The following MAMDC2 variants were observed in gnomAD, a reference collection of about 807,000 sequenced individuals.
The protein encoded by MAMDC2 is MAM domain containing 2, also known as MAM domain-containing protein 2.
A neutral mutation model predicts 89.8 loss-of-function variants in MAMDC2; 57 were observed. The ratio of observed to expected loss-of-function variants is 0.63; its 90% CI spans 0.51 to 0.79. The LOEUF (loss-of-function observed/expected upper bound fraction) is 0.79, where lower values mean the gene tolerates loss of function less well. MAMDC2 is among the 30% of genes least tolerant of loss of function. MAMDC2 has a pLI of 0.00. For synonymous variants in MAMDC2, 313 were observed against 293.4 expected, an observed-to-expected ratio of 1.07 and a Z score of -0.68; for missense variants, 800 against 820.6, an observed-to-expected ratio of 0.97 and a Z score of 0.31.
intron 7 of MAMDC2, among the ~76,000 whole-genome samples, chr9:70,138,705 G>A (rs2031090930): frequency 1.3e-5 from 2 of 152,074 alleles, no homozygotes; most frequent in African/African-American, 4.8e-5. Flanking sequence ...TCTTCTCAAA[G>A]AGCAGAAATC....
At chr9:70,108,593 G>A (rs769795785) in intron 3 of MAMDC2, 111 bp downstream of exon 3, 168 of 936,392 alleles carry the variant, frequency 1.8e-4, no homozygotes, top group East Asian at 4.6e-4. Context: ...GGATTATGAC[G>A]TGATGTTTCA....
chr9:70,127,971 A>G (rs763723940), intron 6 of MAMDC2, among the ~76,000 whole-genome samples: 15 of 152,184 alleles, frequency 9.9e-5, no homozygotes, highest in Non-Finnish European at 1.2e-4. Flanking sequence ...AATGTTGCTG[A>G]ATTTTTAAAA....
chr9:70,093,110 T>C (rs570158792), intron 2 of MAMDC2, among the ~76,000 whole-genome samples: 2 of 152,304 alleles, frequency 1.3e-5, no homozygotes, highest in East Asian at 3.9e-4. Context: ...TTTATGTATC[T>C]GTACTATAGT....
intron 2 of MAMDC2, among the ~76,000 whole-genome samples, chr9:70,051,851 C>T (rs1826904253): frequency 6.6e-6 from 1 of 151,634 alleles, no homozygotes; most frequent in African/African-American, 2.4e-5. Context: ...GATTACATAT[C>T]CATCTATTTA....
intron 11 of MAMDC2, among the ~76,000 whole-genome samples, chr9:70,182,393 T>A (rs957352058): frequency 5.9e-5 from 9 of 152,212 alleles, no homozygotes; most frequent in Middle Eastern, 3.2e-3. Context: ...GAGGAGTCTC[T>A]CTTTTTCTAT....
intron 11 of MAMDC2, among the ~76,000 whole-genome samples, chr9:70,171,680 T>G (rs923908684): frequency 5.9e-5 from 9 of 152,106 alleles, no homozygotes; most frequent in Admixed American, 5.9e-4. Context: ...GAGAAACCAT[T>G]ATGATAGTAA....
chr9:70,066,093 G>C (rs367807590), intron 2 of MAMDC2, among the ~76,000 whole-genome samples: 1 of 152,082 alleles, frequency 6.6e-6, no homozygotes, highest in Non-Finnish European at 1.5e-5. Flanking sequence ...ATATGGTATC[G>C]TGTCCTATGA....
chr9:70,090,335 T>C (rs1827864672), intron 2 of MAMDC2, among the ~76,000 whole-genome samples: 1 of 151,908 alleles, frequency 6.6e-6, no homozygotes, highest in African/African-American at 2.4e-5. Context: ...AGTTTAAAAA[T>C]TGGCCTGGTG....
chr9:70,179,870 T>C (rs1255591472), intron 11 of MAMDC2, among the ~76,000 whole-genome samples: 1 of 47,524 alleles, frequency 2.1e-5, no homozygotes, highest in East Asian at 1.1e-3. Context: ...GGATAAAATA[T>C]TCCTTTTTTT....
intron 11 of MAMDC2, among the ~76,000 whole-genome samples, chr9:70,183,929 G>A (rs957646416): frequency 2.6e-5 from 4 of 152,104 alleles, no homozygotes; most frequent in African/African-American, 9.7e-5. Flanking sequence ...CATTATGATG[G>A]TAGCTGGTTA....
intron 2 of MAMDC2, among the ~76,000 whole-genome samples, chr9:70,045,610 G>A (rs1049473811): frequency 4.6e-5 from 7 of 152,066 alleles, no homozygotes; most frequent in South Asian, 2.1e-4. Flanking sequence ...CTCCCACCTC[G>A]CTCCCTGGGG....
At chr9:70,122,161 G>A (rs1468985381) in intron 5 of MAMDC2, among the ~76,000 whole-genome samples, 1 of 152,192 alleles carries the variant, frequency 6.6e-6, no homozygotes, top group Admixed American at 6.5e-5. Context: ...AAAGAAAAAG[G>A]GTACAAGAGC....
intron 11 of MAMDC2, among the ~76,000 whole-genome samples, chr9:70,200,455 C>T (rs1472867136): frequency 2.0e-5 from 3 of 151,036 alleles, no homozygotes; most frequent in African/African-American, 7.3e-5. Flanking sequence ...GTTACTGTAG[C>T]CTTGTAGTAT....
At chr9:70,068,077 T>C (rs1043063108) in intron 2 of MAMDC2, among the ~76,000 whole-genome samples, 16 of 152,312 alleles carry the variant, frequency 1.1e-4, no homozygotes, top group East Asian at 3.9e-4. Flanking sequence ...CTTTAAAGCA[T>C]GCTACCATCG....
chr9:70,108,489 G>A lies in MAMDC2; in HGVS notation c.420+7G>A, dbSNP rs1254490370. The A allele has an allele frequency of 2.5e-5, 39 of 1,575,802 alleles. No individual in the cohort carries two copies. The highest frequency in any genetic ancestry group is 3.3e-5 in the Non-Finnish European group (39 of 1,165,478). On this transcript the variant is annotated splice_region_variant and intron_variant, in intron 3 of 13. Transcript: ENST00000377182. ...CAGTTCCAAGAAATTCAAGGTAGGT[G>A]GAGTTTAGGAGAAAGATATAAGGCC... is the stretch of plus-strand genomic sequence containing the variant.
intron 2 of MAMDC2, among the ~76,000 whole-genome samples, chr9:70,070,748 C>T (rs1248283683): frequency 6.6e-6 from 1 of 152,068 alleles, no homozygotes; most frequent in Non-Finnish European, 1.5e-5. Context: ...TGTCATAGAT[C>T]CTTGCCTACT....
chr9:70,067,468 T>A (rs1488203353), intron 2 of MAMDC2, among the ~76,000 whole-genome samples: 1 of 152,130 alleles, frequency 6.6e-6, no homozygotes, highest in Non-Finnish European at 1.5e-5. Context: ...AACAATCCCA[T>A]CAAATGGCTC....
chr9:70,159,152 T>C (rs1490779568), intron 9 of MAMDC2, among the ~76,000 whole-genome samples: 1 of 151,810 alleles, frequency 6.6e-6, no homozygotes, highest in Non-Finnish European at 1.5e-5. Flanking sequence ...TGAGGGTAAA[T>C]TGGCACAATG....
chr9:70,217,573 A>G, intron 11 of MAMDC2: 4 of 1,603,260 alleles, frequency 2.5e-6, no homozygotes, highest in Non-Finnish European at 3.4e-6. Context: ...AAAGACTGCA[A>G]TGGCTACTGC....
Sources: allele counts gnomAD v4.1 joint callset (sites outside exome capture counted in the v4.1 genomes callset), GRCh38; gene constraint gnomAD v4.1.1; transcripts MANE v1.5; gene names NCBI Gene and HGNC (gene_info 2026-07-23, HGNC 2026-07-21).